GLCE: variants seen among roughly 807,000 people sequenced by gnomAD.
The protein encoded by GLCE is glucuronic acid epimerase.
GLCE carries 19 observed loss-of-function variants against 47.9 expected under a neutral mutation model. The observed-to-expected ratio is 0.40, with a 90% CI of 0.28 to 0.58. The LOEUF is 0.58. Among genes scored for constraint, GLCE ranks in the 20% least tolerant of loss-of-function variants. The pLI, the probability that GLCE is intolerant of heterozygous loss-of-function variation, is 0.48. For synonymous variants in GLCE, 245 were observed against 263.4 expected (o/e 0.93, Z 0.68); for missense variants, 556 against 743.3 (o/e 0.75, Z 2.93).
intron 2 of GLCE, among the ~76,000 whole-genome samples, chr15:69,236,349 T>C (rs748672975): frequency 6.6e-6 from 1 of 152,234 alleles, no homozygotes; most frequent in Non-Finnish European, 1.5e-5. Flanking sequence ...AGATACATCA[T>C]TGAAGGCTGT....
intron 2 of GLCE, among the ~76,000 whole-genome samples, chr15:69,211,378 G>A (rs1195600540): frequency 1.3e-5 from 2 of 151,972 alleles, no homozygotes; most frequent in African/African-American, 2.4e-5. Context: ...ATGATTGTGT[G>A]TTTTTAATAT....
chr15:69,178,505 T>C (rs2051705097), intron 1 of GLCE, among the ~76,000 whole-genome samples: 1 of 152,130 alleles, frequency 6.6e-6, no homozygotes, highest in Non-Finnish European at 1.5e-5. Flanking sequence ...GGGACTGTTA[T>C]GAGTATTAGA....
Position 69,190,236 on chromosome 15 carries a change from C to T in GLCE, c.-104-20080C>T, listed in dbSNP as rs550594713. The stretch of plus-strand genomic sequence containing the variant: ...TATAGTCTGAGTTGGGGTGTTGTTC[C>T]ATGTGTACTTGAAAAGATGTGTATT... On this transcript the variant is annotated intron_variant, in intron 1 of 4. Transcript: ENST00000261858. Among the ~76,000 whole-genome samples, 7 of 152,052 alleles carry T rather than the reference C, an allele frequency of 4.6e-5. No individual in the cohort carries two copies. In the East Asian group the frequency reaches 1.4e-3, roughly 29 times the overall value.
rs2053114199 is a variant in GLCE at position 69,268,305 on chromosome 15, T to C, written c.915T>C (p.Ser305=). The change falls in exon 5 of 5, where the codon AGT becomes AGC. Residue 305 remains serine, a synonymous_variant. Transcript: ENST00000261858. The part of the protein sequence containing the change: ...SFDLKFLTNG[S]VSVVLETTEK... Reference sequence around the variant, plus strand: ...ACCTCAAGTTCTTGACAAATGGAAGTGTGTCCGTGGTTCTAGAGACCACAG... The same window carrying C: ...ACCTCAAGTTCTTGACAAATGGAAGCGTGTCCGTGGTTCTAGAGACCACAG... 1 of 1,612,012 alleles carries C rather than the reference T, an allele frequency of 6.2e-7. No homozygotes were observed. Among genetic ancestry groups the C allele is most frequent in the East Asian group, 2.2e-5 (1 of 44,876 alleles).
At chr15:69,216,104 T>C (rs1425549522) in intron 2 of GLCE, among the ~76,000 whole-genome samples, 1 of 152,154 alleles carries the variant, frequency 6.6e-6, no homozygotes. Context: ...AATGATAATT[T>C]TATTGTTGTC....
chr15:69,211,455 C>T (rs2052232970), intron 2 of GLCE, among the ~76,000 whole-genome samples: 1 of 151,858 alleles, frequency 6.6e-6, no homozygotes, highest in Non-Finnish European at 1.5e-5. Flanking sequence ...TATAGAACTA[C>T]ATTTAGTGGC....
At chr15:69,222,180 C>T (rs1431848237) in intron 2 of GLCE, among the ~76,000 whole-genome samples, 1 of 152,210 alleles carries the variant, frequency 6.6e-6, no homozygotes, top group Non-Finnish European at 1.5e-5. Flanking sequence ...CGAAGCTGAG[C>T]CCAGGCTGGG....
chr15:69,236,696 C>T (rs1017717903), intron 2 of GLCE, among the ~76,000 whole-genome samples: 1 of 152,162 alleles, frequency 6.6e-6, no homozygotes, highest in Non-Finnish European at 1.5e-5. Context: ...GTTCTCAAGA[C>T]ACCTGTGAGG....
intron 1 of GLCE, among the ~76,000 whole-genome samples, chr15:69,165,505 C>CTTTTTTTTTTTT (rs1172987241): frequency 1.2e-5 from 1 of 84,622 alleles, no homozygotes; most frequent in Non-Finnish European, 2.3e-5. Context: ...GCACTGTCTG[C>CTTTTTTTTTTTT]TTTTTTTTTT....
intron 1 of GLCE, among the ~76,000 whole-genome samples, chr15:69,184,932 CTGAT>C (rs1369266388): frequency 3.9e-5 from 6 of 152,214 alleles, no homozygotes; most frequent in South Asian, 2.1e-4. Flanking sequence ...CTTCTCCTAT[CTGAT>C]TGACATGATT....
Position 69,269,097 on chromosome 15 carries a change from C to A in GLCE, c.1707C>A (p.Ile569=). 1 of 1,614,128 alleles carries A rather than the reference C, an allele frequency of 6.2e-7. No homozygotes were observed. Among genetic ancestry groups the A allele is most frequent in the Admixed American group, 1.7e-5 (1 of 60,024 alleles). ...IYDLRHFMLG[I]APNLARWDYH... The stretch of plus-strand genomic sequence containing the variant: ...ACCTCCGTCACTTCATGCTTGGCAT[C>A]GCTCCTAACCTGGCTCGCTGGGACT... The change falls in exon 5 of 5, where the codon ATC becomes ATA. Residue 569 remains isoleucine, a synonymous_variant. Transcript: ENST00000261858.
intron 3 of GLCE, among the ~76,000 whole-genome samples, chr15:69,259,876 A>G (rs2052986703): frequency 2.0e-5 from 3 of 152,228 alleles, no homozygotes; most frequent in Admixed American, 1.3e-4. Flanking sequence ...TTTTGAATCT[A>G]CAACAAAACA....
chr15:69,196,950 C>G (rs191953073), intron 1 of GLCE: 1 of 228,168 alleles, frequency 4.4e-6, no homozygotes, highest in African/African-American at 2.3e-5. Context: ...CTCCAGAGCA[C>G]TTCCCAAAGC....
intron 2 of GLCE, among the ~76,000 whole-genome samples, chr15:69,223,097 C>T (rs1356453805): frequency 6.6e-6 from 1 of 152,110 alleles, no homozygotes; most frequent in African/African-American, 2.4e-5. Context: ...GTATAGAAAA[C>T]AAAAAGTGAA....
At chr15:69,259,407 A>G (rs1199568154) in intron 3 of GLCE, among the ~76,000 whole-genome samples, 1 of 152,174 alleles carries the variant, frequency 6.6e-6, no homozygotes, top group Non-Finnish European at 1.5e-5. Context: ...ATGCTTAGAA[A>G]GGCACTTGCC....
At chr15:69,224,576 C>T (rs971662336) in intron 2 of GLCE, among the ~76,000 whole-genome samples, 1 of 152,156 alleles carries the variant, frequency 6.6e-6, no homozygotes. Flanking sequence ...TGACTACACC[C>T]ATGTGATCTT....
At chr15:69,161,855 C>T (rs1264839306) in intron 1 of GLCE, among the ~76,000 whole-genome samples, 2 of 152,034 alleles carry the variant, frequency 1.3e-5, no homozygotes, top group Non-Finnish European at 2.9e-5. Context: ...CCGGTGTCCG[C>T]AGGTTGAGCG....
At position 69,181,872 on chromosome 15, in the gene GLCE, C is replaced by T. The variant is rs115501764; in HGVS notation, c.-105+21115C>T. Among the ~76,000 whole-genome samples, 921 of 147,556 alleles carry T rather than the reference C, an allele frequency of 6.2e-3. 9 individuals are homozygous for T. Among genetic ancestry groups the T allele is most frequent in the African/African-American group, 0.022 (877 of 39,986 alleles). On this transcript the variant is annotated intron_variant, in intron 1 of 4. Transcript: ENST00000261858. ...AAAATGGAAAATTTGATGGGATAGACGAAGAGGTAGTGGTGGTTAATGGGG... is the reference window on the plus strand; with the variant it reads ...AAAATGGAAAATTTGATGGGATAGATGAAGAGGTAGTGGTGGTTAATGGGG...
chr15:69,242,872 T>A (rs912663256), intron 2 of GLCE, among the ~76,000 whole-genome samples: 3 of 151,340 alleles, frequency 2.0e-5, no homozygotes, highest in African/African-American at 7.3e-5. Flanking sequence ...ACAGTGAGAC[T>A]TCATCTCTAC....
Sources: allele counts gnomAD v4.1 joint callset (sites outside exome capture counted in the v4.1 genomes callset), GRCh38; gene constraint gnomAD v4.1.1; transcripts MANE v1.5; gene names NCBI Gene and HGNC (gene_info 2026-07-23, HGNC 2026-07-21).